Variants in LMF1 observed in about 807,000 individuals in gnomAD.
The protein encoded by LMF1 is transmembrane protein 112.
A neutral mutation model predicts 60.6 loss-of-function variants in LMF1; 68 were observed. That is an observed-to-expected ratio of 1.12 (90% CI 0.92 to 1.37). The LOEUF is 1.37. LMF1 is among the 40% of genes most tolerant of loss of function. The pLI, the probability that LMF1 is intolerant of heterozygous loss-of-function variation, is 0.00. For synonymous variants in LMF1, 418 were observed against 324.7 expected (o/e 1.29, Z -3.09); for missense variants, 948 against 767.2 (o/e 1.24, Z -2.78).
intron 3 of LMF1, among the ~76,000 whole-genome samples, chr16:920,682 C>A (rs369526772): frequency 1.3e-3 from 197 of 152,254 alleles, no homozygotes; most frequent in Non-Finnish European, 2.4e-3. Context: ...GGCAACCCCC[C>A]CAAATATTGG....
chr16:921,743 G>C (rs1278802681), intron 3 of LMF1, among the ~76,000 whole-genome samples: 1 of 152,142 alleles, frequency 6.6e-6, no homozygotes, highest in Non-Finnish European at 1.5e-5. Flanking sequence ...CAGGGACGGG[G>C]GACACGGGCG....
upstream of LMF1, among the ~76,000 whole-genome samples, chr16:973,651 C>G (rs753179787): frequency 6.6e-6 from 1 of 152,194 alleles, no homozygotes; most frequent in African/African-American, 2.4e-5. Flanking sequence ...AACACCGAGT[C>G]GTTCACTGGC....
chr16:861,983 G>T (rs546020662), intron 10 of LMF1, among the ~76,000 whole-genome samples: 1 of 152,266 alleles, frequency 6.6e-6, no homozygotes, highest in South Asian at 2.1e-4. Flanking sequence ...TTTAAATCAT[G>T]AATAGATGTT....
intron 2 of LMF1, among the ~76,000 whole-genome samples, chr16:946,585 C>T (rs1172977875): frequency 3.3e-5 from 5 of 152,238 alleles, no homozygotes; most frequent in African/African-American, 1.2e-4. Flanking sequence ...CTATGGCAGA[C>T]TTTTAGAGCA....
At chr16:854,982 G>A (rs377448066) in intron 10 of LMF1, 41 of 543,120 alleles carry the variant, frequency 7.5e-5, no homozygotes, top group East Asian at 5.4e-4. Flanking sequence ...CCACTTGGCA[G>A]AGGGACCGGC....
At chr16:951,201 A>G (rs1475460217) in intron 2 of LMF1, among the ~76,000 whole-genome samples, 1 of 151,910 alleles carries the variant, frequency 6.6e-6, no homozygotes. Flanking sequence ...CCAACGACAG[A>G]GTCAGCCAAT....
rs1567313606 is a variant in LMF1 at position 954,354 on chromosome 16, C to G, written c.503+3G>C. ...CTCCGACCGCCCCATTCCTGCTACT[C>G]ACCAGACATGGCCCACATTAACCAG... On this transcript the variant is annotated splice_donor_region_variant and intron_variant, in intron 2 of 10. Transcript: ENST00000262301. 6.2e-7 allele frequency: 1 copy of G among 1,610,866 alleles called. No individual in the cohort carries two copies. Among genetic ancestry groups the G allele is most frequent in the Non-Finnish European group, 8.5e-7 (1 of 1,179,150 alleles).
rs577719920 is a variant in LMF1, at chr16:921,476, TG to T, written c.515-10398del. Among the ~76,000 whole-genome samples the T allele has an allele frequency of 2.3e-3, 350 of 152,286 alleles. 3 individuals carry two copies. The highest frequency in any genetic ancestry group is 7.9e-3 in the African/African-American group (328 of 41,550). ...AAGCCAAACCCCCCGGCGGAGTGTG[TG>T]GGGGCAGGGACAAAACGCTCCACGC... On this transcript the variant is annotated intron_variant, in intron 3 of 10. Coordinates refer to ENST00000262301, the MANE Select transcript of LMF1 (RefSeq NM_022773.4).
rs568848755 is a variant in LMF1, at chr16:966,618, T to C, written c.193+4170A>G. Among the ~76,000 whole-genome samples, 86 of 152,324 alleles carry C rather than the reference T, an allele frequency of 5.6e-4. No individual in the cohort carries two copies. In the South Asian group the frequency reaches 0.018, roughly 31 times the overall value. ...CTTTCCGACGTTCAGATATATATAC[T>C]CCGTGGCTGCCTGCGAGCCGTCTCC... On this transcript the variant is annotated intron_variant, in intron 1 of 10. Coordinates refer to ENST00000262301, the MANE Select transcript of LMF1 (RefSeq NM_022773.4).
In LMF1 at chr16:871,231, T is replaced by C. The variant is rs2151701748; in HGVS notation, c.1008A>G (p.Pro336=). ...GCAGAACTCGGTCCTTCAGGCTGCC[T>C]GGCCCAGAGGGGAACAAGAATCCCA... ...ATLGFLFPSG[P]GSLKDRVLQM... is the part of the protein sequence containing the mutation. Residue 336 remains proline (P), a synonymous_variant, in exon 7 of 11, where the codon CCA becomes CCG. Transcript: ENST00000262301. The C allele has an allele frequency of 1.2e-6, 2 of 1,612,122 alleles. No homozygotes were observed. The highest frequency in any genetic ancestry group is 1.7e-6 in the Non-Finnish European group (2 of 1,179,676).
chr16:879,424 C>T (rs2151713716), intron 6 of LMF1, 146 bp downstream of exon 6: 1 of 970,452 alleles, frequency 1.0e-6, no homozygotes, highest in Non-Finnish European at 1.5e-6. Context: ...GCCCGTGACA[C>T]AAACGAAGGC....
At chr16:886,549 C>T (rs1397585297) in intron 5 of LMF1, among the ~76,000 whole-genome samples, 1 of 143,640 alleles carries the variant, frequency 7.0e-6, no homozygotes, top group Non-Finnish European at 1.5e-5. Context: ...CCCGACATTC[C>T]CCAGGCCCCT....
intron 4 of LMF1, 83 bp from the exon 5 acceptor site, chr16:893,155 C>G (rs929073884): frequency 1.5e-5 from 18 of 1,232,814 alleles, no homozygotes; most frequent in Non-Finnish European, 2.1e-5. Flanking sequence ...CCCAGGAAGA[C>G]GAACCATCCA....
chr16:909,886 G>A (rs1478582356), intron 4 of LMF1, among the ~76,000 whole-genome samples: 9 of 152,280 alleles, frequency 5.9e-5, no homozygotes, highest in Non-Finnish European at 1.3e-4. Context: ...CTCTGGCCGT[G>A]GCCCTGGCGT....
chr16:972,913 A>G (rs2073077310), upstream of LMF1, among the ~76,000 whole-genome samples: 1 of 152,188 alleles, frequency 6.6e-6, no homozygotes, highest in Non-Finnish European at 1.5e-5. Flanking sequence ...CGCTGACCGC[A>G]GGGGTCCCAT....
chr16:955,050 A>C (rs1252941932), intron 1 of LMF1, among the ~76,000 whole-genome samples: 2 of 151,796 alleles, frequency 1.3e-5, no homozygotes, highest in Non-Finnish European at 2.9e-5. Context: ...CACACATCTA[A>C]GTAAACTAGA....
Position 874,542 on chromosome 16 carries a change from G to C in LMF1, c.898-3201C>G, listed in dbSNP as rs371156633. Among the ~76,000 whole-genome samples the C allele has an allele frequency of 6.2e-4, 95 of 152,318 alleles. 2 individuals carry two copies. The East Asian group carries it at 0.017, about 28-fold the overall frequency. On this transcript the variant is annotated intron_variant, in intron 6 of 10. Transcript: ENST00000262301. The surrounding 1 kb of genome is among the most constrained non-coding windows in gnomAD (Gnocchi z 4.1). Reference sequence around the variant, plus strand: ...GCCGGGCTCTGCGGTCACTGCTCTTGTGCACCTCTCCAGGCAGGCAGCGGC... The same window carrying C: ...GCCGGGCTCTGCGGTCACTGCTCTTCTGCACCTCTCCAGGCAGGCAGCGGC...
intron 1 of LMF1, among the ~76,000 whole-genome samples, chr16:959,608 C>T (rs947309290): frequency 6.6e-6 from 1 of 152,224 alleles, no homozygotes; most frequent in Non-Finnish European, 1.5e-5. Flanking sequence ...CAGAAACACA[C>T]TGGCCAGAGG....
At chr16:929,748 C>T (rs367642818) in intron 3 of LMF1, among the ~76,000 whole-genome samples, 47 of 152,356 alleles carry the variant, frequency 3.1e-4, no homozygotes, top group Non-Finnish European at 5.7e-4. Flanking sequence ...GAAACACAGA[C>T]GGCAGAATGG....
Sources: allele counts gnomAD v4.1 joint callset (sites outside exome capture counted in the v4.1 genomes callset), GRCh38; gene constraint gnomAD v4.1.1; non-coding constraint Gnocchi (gnomAD v3.1); transcripts MANE v1.5; gene names NCBI Gene and HGNC (gene_info 2026-07-23, HGNC 2026-07-21).